GRXCR1: variants seen among roughly 807,000 people sequenced by gnomAD.
GRXCR1 encodes glutaredoxin and cysteine rich domain containing 1, also known as glutaredoxin domain-containing cysteine-rich protein 1.
A neutral mutation model predicts 27.3 loss-of-function variants in GRXCR1; 27 were observed. That is an observed-to-expected ratio of 0.99 (90% CI 0.73 to 1.37). The LOEUF is 1.37. Ranked by LOEUF, GRXCR1 falls within the 40% of genes most tolerant of loss-of-function variation. The pLI, the probability that GRXCR1 is intolerant of heterozygous loss-of-function variation, is 0.00. For missense variants in GRXCR1, 379 were observed against 354.4 expected (o/e 1.07, Z -0.56); for synonymous variants, 122 against 131.1 (o/e 0.93, Z 0.47).
chr4:42,959,822 A>T (rs1172598280), intron 1 of GRXCR1, among the ~76,000 whole-genome samples: 2 of 151,964 alleles, frequency 1.3e-5, no homozygotes, highest in Non-Finnish European at 2.9e-5. Flanking sequence ...GAACTTAAAA[A>T]AAAATTGCAA....
chr4:43,029,507 A>G (rs1202483304), intron 3 of GRXCR1, among the ~76,000 whole-genome samples: 1 of 152,164 alleles, frequency 6.6e-6, no homozygotes, highest in Non-Finnish European at 1.5e-5. Flanking sequence ...CCCTAAACTG[A>G]TGGATGCCAC....
intron 2 of GRXCR1, among the ~76,000 whole-genome samples, chr4:42,997,709 G>C (rs1339145689): frequency 2.0e-5 from 3 of 152,132 alleles, no homozygotes; most frequent in Admixed American, 2.0e-4. Context: ...TGGCCTTTCT[G>C]TCCCAGAGCC....
At chr4:42,984,696 G>C (rs1711625316) in intron 2 of GRXCR1, among the ~76,000 whole-genome samples, 1 of 152,186 alleles carries the variant, frequency 6.6e-6, no homozygotes, top group South Asian at 2.1e-4. Context: ...CCTGAAGCCT[G>C]GGATTGCTGT....
rs1199885058 is a variant in GRXCR1, at chr4:42,906,493, AGTCACCTCAGGGGC to A, written c.384+12844_384+12857del. ...TCCTTTACTCTTTGCCTGGGATGCC[AGTCACCTCAGGGGC>A]TCCACAGTTAGTGAGCTGGAACTCA... On this transcript the variant is annotated intron_variant, in intron 1 of 3. Coordinates refer to ENST00000399770, the MANE Select transcript of GRXCR1 (RefSeq NM_001080476.3). Among the ~76,000 whole-genome samples, 3 of 152,134 alleles carry A rather than the reference AGTCACCTCAGGGGC, an allele frequency of 2.0e-5. 1 individual carries two copies. Among genetic ancestry groups the A allele is most frequent in the Non-Finnish European group, 4.4e-5 (3 of 68,020 alleles).
chr4:42,913,889 C>G (rs1226183803), intron 1 of GRXCR1, among the ~76,000 whole-genome samples: 1 of 152,220 alleles, frequency 6.6e-6, no homozygotes, highest in Admixed American at 6.5e-5. Context: ...CAATGTATAG[C>G]TCACATCATT....
chr4:42,933,640 G>A (rs1354436242), intron 1 of GRXCR1, among the ~76,000 whole-genome samples: 1 of 151,872 alleles, frequency 6.6e-6, no homozygotes. Flanking sequence ...TGAGCATGGA[G>A]CCCTCATAAA....
intron 2 of GRXCR1, among the ~76,000 whole-genome samples, chr4:43,001,044 A>T (rs4426821): frequency 0.24 from 36,768 of 151,136 alleles, 4,833 homozygotes; most frequent in East Asian, 0.42. Flanking sequence ...CTCCTGCCTC[A>T]ACCTCCTGAG....
intron 2 of GRXCR1, among the ~76,000 whole-genome samples, chr4:42,990,747 G>A (rs1218314486): frequency 2.6e-5 from 4 of 151,850 alleles, no homozygotes; most frequent in African/African-American, 9.7e-5. Context: ...GGAATTTATT[G>A]ATATTTTCTT....
chr4:42,988,475 G>A (rs1378517938), intron 2 of GRXCR1, among the ~76,000 whole-genome samples: 5 of 152,120 alleles, frequency 3.3e-5, no homozygotes, highest in Non-Finnish European at 7.4e-5. Flanking sequence ...ACCTTTCAAG[G>A]TTTCCTTTTT....
At chr4:42,970,997 G>A (rs1439419606) in intron 2 of GRXCR1, among the ~76,000 whole-genome samples, 4 of 152,108 alleles carry the variant, frequency 2.6e-5, no homozygotes. Context: ...ATGCTTTGCT[G>A]CTTAGAAATT....
intron 1 of GRXCR1, among the ~76,000 whole-genome samples, chr4:42,919,688 C>T (rs1203176938): frequency 6.6e-6 from 1 of 152,068 alleles, no homozygotes; most frequent in Non-Finnish European, 1.5e-5. Flanking sequence ...CACACAGTAT[C>T]TTCCACTGGG....
intron 2 of GRXCR1, among the ~76,000 whole-genome samples, chr4:42,967,234 T>G (rs370422370): frequency 1.3e-5 from 2 of 152,132 alleles, no homozygotes; most frequent in East Asian, 1.9e-4. Context: ...GAATAATGTT[T>G]GTGTCTAGAT....
At chr4:42,987,470 C>T (rs918607201) in intron 2 of GRXCR1, among the ~76,000 whole-genome samples, 8 of 151,146 alleles carry the variant, frequency 5.3e-5, no homozygotes, top group African/African-American at 7.3e-5. Context: ...TTTGTAGAGA[C>T]GGGGGTCTCA....
chr4:42,938,769 C>G (rs1003001780), intron 1 of GRXCR1, among the ~76,000 whole-genome samples: 1 of 151,880 alleles, frequency 6.6e-6, no homozygotes, highest in South Asian at 2.1e-4. Context: ...AATTTTTGCT[C>G]CAGTGTATGT....
At chr4:42,966,282 TC>T (rs1577923836) in intron 2 of GRXCR1, among the ~76,000 whole-genome samples, 1 of 151,980 alleles carries the variant, frequency 6.6e-6, no homozygotes, top group Admixed American at 6.6e-5. Flanking sequence ...ATCATGAGCC[TC>T]CACAGTAGAA....
At chr4:42,903,012 A>T (rs952016670) in intron 1 of GRXCR1, among the ~76,000 whole-genome samples, 2 of 152,164 alleles carry the variant, frequency 1.3e-5, no homozygotes, top group African/African-American at 2.4e-5. Flanking sequence ...GAGTATAAAC[A>T]TTATTGAATC....
rs267600162 is a variant in GRXCR1 at position 42,893,326 on chromosome 4, C to G, written c.60C>G (p.Ile20Met). ...SDRPRKVRFRIASSHSGRVLK... is the reference protein window; with the variant it reads ...SDRPRKVRFRMASSHSGRVLK... ...GGCCACGGAAAGTCCGGTTTCGGATCGCGTCCTCTCACAGTGGGCGAGTTC... is the reference window on the plus strand; with the variant it reads ...GGCCACGGAAAGTCCGGTTTCGGATGGCGTCCTCTCACAGTGGGCGAGTTC... Residue 20 changes from isoleucine to methionine, a missense_variant, in exon 1 of 4, where the codon ATC becomes ATG. By Grantham distance (10) the Ile-to-Met change is conservative. Coordinates refer to ENST00000399770, the MANE Select transcript of GRXCR1 (RefSeq NM_001080476.3). The G allele has an allele frequency of 6.2e-7, 1 of 1,613,726 alleles. No individual in the cohort carries two copies. The highest frequency in any genetic ancestry group is 8.5e-7 in the Non-Finnish European group (1 of 1,179,778).
chr4:43,013,685 A>C (rs527587671), intron 2 of GRXCR1, among the ~76,000 whole-genome samples: 4 of 152,348 alleles, frequency 2.6e-5, no homozygotes, highest in Non-Finnish European at 2.9e-5. Flanking sequence ...AGTTTATGCA[A>C]AGAGAATCTG....
intron 2 of GRXCR1, among the ~76,000 whole-genome samples, chr4:43,015,085 G>GA (rs545896176): frequency 3.9e-5 from 6 of 152,030 alleles, no homozygotes; most frequent in Non-Finnish European, 8.8e-5. Context: ...GAAATATCAG[G>GA]AAAAAAATGG....
Sources: allele counts gnomAD v4.1 joint callset (sites outside exome capture counted in the v4.1 genomes callset), GRCh38; gene constraint gnomAD v4.1.1; transcripts MANE v1.5; gene names NCBI Gene and HGNC (gene_info 2026-07-23, HGNC 2026-07-21).